ST3GAL4: variants seen among roughly 807,000 people sequenced by gnomAD.
The protein encoded by ST3GAL4 is ST3 beta-galactoside alpha-2,3-sialyltransferase 4, also known as CMP-N-acetylneuraminate-beta-galactosamide-alpha-2,3-sialyltransferase 4.
Under a neutral mutation model 42.6 loss-of-function variants are expected in ST3GAL4, and 24 were observed. That is an observed-to-expected ratio of 0.56 (90% confidence interval 0.41 to 0.79). The LOEUF is 0.79. Ranked by LOEUF, ST3GAL4 falls within the 30% of genes least tolerant of loss-of-function variation. ST3GAL4 has a pLI of 0.00. For missense variants in ST3GAL4, 311 were observed against 430.8 expected, an observed-to-expected ratio of 0.72 and a Z score of 2.46; for synonymous variants, 135 against 163.2, an observed-to-expected ratio of 0.83 and a Z score of 1.32.
At position 126,410,047 on chromosome 11, in the gene ST3GAL4, G is replaced by C. The variant is rs1297147399; in HGVS notation, c.771+636G>C. Among the ~76,000 whole-genome samples the C allele has an allele frequency of 3.3e-5, 5 of 152,112 alleles. No homozygotes were observed. The highest frequency in any genetic ancestry group is 5.9e-5 in the Non-Finnish European group (4 of 68,024). ...CCTCCTGAGTAGCTGTGAGACTACAGGTATGCACCATCACGCCTGGCTAAT... is the reference window on the plus strand; with the variant it reads ...CCTCCTGAGTAGCTGTGAGACTACACGTATGCACCATCACGCCTGGCTAAT... On this transcript the variant is annotated intron_variant, in intron 9 of 10. Coordinates refer to ENST00000444328, the MANE Select transcript of ST3GAL4 (RefSeq NM_001254757.2). The surrounding 1 kb of genome is among the most constrained non-coding windows in gnomAD (Gnocchi z 5.3).
rs1315196529 is a variant in ST3GAL4, at chr11:126,386,562, C to T, written c.-60-19534C>T. Reference sequence around the variant, plus strand: ...GACACAGGTTAGTCCTGTGGGTGACCTCACTTTAGAGAGGGCTGGCCAGCT... The same window carrying T: ...GACACAGGTTAGTCCTGTGGGTGACTTCACTTTAGAGAGGGCTGGCCAGCT... On this transcript the variant is annotated intron_variant, in intron 1 of 10. Transcript: ENST00000444328. This position sits in a 1 kb window ranked among gnomAD's most constrained non-coding sequence, Gnocchi z 4.7. Among the ~76,000 whole-genome samples, 1 of 152,096 alleles carries T rather than the reference C, an allele frequency of 6.6e-6. No individual in the cohort carries two copies. Among genetic ancestry groups the T allele is most frequent in the Non-Finnish European group, 1.5e-5 (1 of 68,022 alleles).
At chr11:126,404,770 C>T (rs977571863) in intron 1 of ST3GAL4, among the ~76,000 whole-genome samples, 1 of 152,206 alleles carries the variant, frequency 6.6e-6, no homozygotes, top group Non-Finnish European at 1.5e-5. Flanking sequence ...TGACCCTGGT[C>T]CCTGCCTGGC....
chr11:126,414,148 C>T lies in ST3GAL4; in HGVS notation c.*101C>T. The T allele has an allele frequency of 8.8e-7, 1 of 1,138,596 alleles. No homozygotes were observed. Among genetic ancestry groups the T allele is most frequent in the South Asian group, 1.2e-5 (1 of 80,224 alleles). The allele number at this position is 1,138,596 out of a possible 1,614,324, so 70.5% of individuals were successfully genotyped here. On this transcript the variant is annotated 3_prime_UTR_variant, in exon 11 of 11. Coordinates refer to ENST00000444328, the MANE Select transcript of ST3GAL4 (RefSeq NM_001254757.2). ...CTGGTGCCAGTATGACCCACTTGGA[C>T]TCACCCCCTCTTGGGGAGGGAGTTC...
In ST3GAL4 at chr11:126,383,431, G is replaced by C. The variant is rs901932018; in HGVS notation, c.-60-22665G>C. On this transcript the variant is annotated intron_variant, in intron 1 of 10. Coordinates refer to ENST00000444328, the MANE Select transcript of ST3GAL4 (RefSeq NM_001254757.2). The surrounding 1 kb of genome is among the most constrained non-coding windows in gnomAD (Gnocchi z 4.5). Reference sequence around the variant, plus strand: ...CACTGGGCCTGAGGGAGGTAGAGCAGCAGCAGCAGCAGCTGAGCCCAGCCC... The same window carrying C: ...CACTGGGCCTGAGGGAGGTAGAGCACCAGCAGCAGCAGCTGAGCCCAGCCC... Among the ~76,000 whole-genome samples, 2 of 152,206 alleles carry C rather than the reference G, an allele frequency of 1.3e-5. No individual in the cohort carries two copies. The highest frequency in any genetic ancestry group is 4.8e-5 in the African/African-American group (2 of 41,466).
rs1462271947 is a variant in ST3GAL4 at position 126,392,159 on chromosome 11, GGC to G, written c.-60-13936_-60-13935del. 1 of 207,344 alleles carries G rather than the reference GGC, an allele frequency of 4.8e-6. No individual in the cohort carries two copies. The allele number at this position is 207,344 out of a possible 1,614,324, so 12.8% of individuals were successfully genotyped here. On this transcript the variant is annotated intron_variant, in intron 1 of 10. Transcript: ENST00000444328. The surrounding 1 kb of genome is among the most constrained non-coding windows in gnomAD (Gnocchi z 5.8). ...CCCCTTTTCACTGGCTCCTCCTGGAGGCCACATGTACCTTGCGCTTCCTGGGG... is the reference window on the plus strand; with the variant it reads ...CCCCTTTTCACTGGCTCCTCCTGGAGCACATGTACCTTGCGCTTCCTGGGG...
chr11:126,401,566 AAAG>A (rs1034428868), intron 1 of ST3GAL4, among the ~76,000 whole-genome samples: 27 of 151,148 alleles, frequency 1.8e-4, no homozygotes, highest in East Asian at 5.8e-4. Flanking sequence ...AGAAAAAAAA[AAAG>A]AAGAAGAAGA....
At chr11:126,357,511 G>A (rs1374897551) in intron 1 of ST3GAL4, among the ~76,000 whole-genome samples, 2 of 152,268 alleles carry the variant, frequency 1.3e-5, no homozygotes, top group African/African-American at 2.4e-5. Flanking sequence ...GTGCCTCTGG[G>A]CTGCCTTCCC....
intron 1 of ST3GAL4, among the ~76,000 whole-genome samples, chr11:126,361,312 C>T (rs113263340): frequency 5.3e-5 from 8 of 151,582 alleles, no homozygotes; most frequent in South Asian, 2.1e-4. Flanking sequence ...GTACATATTG[C>T]GTTTCCACTT....
chr11:126,361,689 C>G (rs957907217), intron 1 of ST3GAL4, among the ~76,000 whole-genome samples: 4 of 152,014 alleles, frequency 2.6e-5, no homozygotes, highest in African/African-American at 7.3e-5. Context: ...CCAGCATGGA[C>G]CTCAGTGGGG....
chr11:126,375,987 C>G (rs925959830), intron 1 of ST3GAL4, among the ~76,000 whole-genome samples: 3 of 150,918 alleles, frequency 2.0e-5, no homozygotes, highest in African/African-American at 7.3e-5. Flanking sequence ...TCGTTAGTCA[C>G]GTATTATTGT....
chr11:126,396,521 G>T lies in ST3GAL4; in HGVS notation c.-60-9575G>T, dbSNP rs1565415729. 6.6e-6 allele frequency among the ~76,000 whole-genome samples: 1 copy of T among 151,974 alleles called. No individual in the cohort carries two copies. Among genetic ancestry groups the T allele is most frequent in the East Asian group, 1.9e-4 (1 of 5,194 alleles). ...AGAGCTTCCAGAGAGCACCAGGGCT[G>T]TGGGGGCTAGAGACTGTGTCTCGTG... On this transcript the variant is annotated intron_variant, in intron 1 of 10. Transcript: ENST00000444328. This position sits in a 1 kb window ranked among gnomAD's most constrained non-coding sequence, Gnocchi z 5.8.
At chr11:126,401,242 C>T (rs985227782) in intron 1 of ST3GAL4, among the ~76,000 whole-genome samples, 18 of 151,876 alleles carry the variant, frequency 1.2e-4, no homozygotes, top group Admixed American at 7.9e-4. Flanking sequence ...AGGGGAGAAG[C>T]GAGGTTCAAG....
At chr11:126,394,193 A>G (rs566926273) in intron 1 of ST3GAL4, among the ~76,000 whole-genome samples, 1 of 150,554 alleles carries the variant, frequency 6.6e-6, no homozygotes, top group Non-Finnish European at 1.5e-5. Flanking sequence ...AGACACTGGT[A>G]CCTTTGGCTT....
Position 126,409,431 on chromosome 11 carries a change from C to G in ST3GAL4, c.771+20C>G. ...AAGCAGGTGATGATGGGAAGTCAGG[C>G]CTGAGGGCTAGGATCCTGGGCGGGA... On this transcript the variant is annotated intron_variant, in intron 9 of 10. Transcript: ENST00000444328. The surrounding 1 kb of genome is among the most constrained non-coding windows in gnomAD (Gnocchi z 4.9). 1 of 1,614,084 alleles carries G rather than the reference C, an allele frequency of 6.2e-7. No homozygotes were observed. Among genetic ancestry groups the G allele is most frequent in the Non-Finnish European group, 8.5e-7 (1 of 1,179,988 alleles).
rs558790208 is a variant in ST3GAL4 at position 126,396,498 on chromosome 11, A to G, written c.-60-9598A>G. Among the ~76,000 whole-genome samples the G allele has an allele frequency of 1.2e-3, 183 of 152,048 alleles. No individual in the cohort carries two copies. The highest frequency in any genetic ancestry group is 1.9e-3 in the Non-Finnish European group (126 of 68,016). On this transcript the variant is annotated intron_variant, in intron 1 of 10. Transcript: ENST00000444328. The surrounding 1 kb of genome is among the most constrained non-coding windows in gnomAD (Gnocchi z 5.8). ...TGTGTGCCTTGAACACGTACTGCAG[A>G]GCTTCCAGAGAGCACCAGGGCTGTG... is the stretch of plus-strand genomic sequence containing the variant.
rs1953129566 is a variant in ST3GAL4 at position 126,384,265 on chromosome 11, G to T, written c.-60-21831G>T. On this transcript the variant is annotated intron_variant, in intron 1 of 10. Coordinates refer to ENST00000444328, the MANE Select transcript of ST3GAL4 (RefSeq NM_001254757.2). The surrounding 1 kb of genome is among the most constrained non-coding windows in gnomAD (Gnocchi z 5.5). ...GGGAGTACAAGGTCTGCCGAGTGAG[G>T]CAGAGGAAAGGGGTTTCTGAGCCCA... Among the ~76,000 whole-genome samples the T allele has an allele frequency of 6.6e-6, 1 of 152,178 alleles. No homozygotes were observed. The highest frequency in any genetic ancestry group is 1.5e-5 in the Non-Finnish European group (1 of 68,036).
Position 126,379,781 on chromosome 11 carries a change from T to C in ST3GAL4, c.-61+23939T>C. ...GCATGAGCCACCACACCCGGCCTGT[T>C]ATCCTTAATTTTAAATCACATGTGG... On this transcript the variant is annotated intron_variant, in intron 1 of 10. Coordinates refer to ENST00000444328, the MANE Select transcript of ST3GAL4 (RefSeq NM_001254757.2). This position sits in a 1 kb window ranked among gnomAD's most constrained non-coding sequence, Gnocchi z 4.2. 6.6e-6 allele frequency among the ~76,000 whole-genome samples: 1 copy of C among 152,058 alleles called. No homozygotes were observed.
At chr11:126,357,786 A>G (rs938759379) in intron 1 of ST3GAL4, among the ~76,000 whole-genome samples, 4 of 152,164 alleles carry the variant, frequency 2.6e-5, no homozygotes, top group Admixed American at 6.5e-5. Context: ...GGGCTACCCC[A>G]GGTCTGACTT....
In ST3GAL4 at chr11:126,373,343, C is replaced by T. The variant is rs146760952; in HGVS notation, c.-61+17501C>T. On this transcript the variant is annotated intron_variant, in intron 1 of 10. Coordinates refer to ENST00000444328, the MANE Select transcript of ST3GAL4 (RefSeq NM_001254757.2). The surrounding 1 kb of genome is among the most constrained non-coding windows in gnomAD (Gnocchi z 5.5). ...TGCTTCTCCTGGGATGGAGGGGTGCCGGGGAGCCCCTGACCAGGACCTGGA... is the reference window on the plus strand; with the variant it reads ...TGCTTCTCCTGGGATGGAGGGGTGCTGGGGAGCCCCTGACCAGGACCTGGA... Among the ~76,000 whole-genome samples the T allele has an allele frequency of 3.6e-3, 553 of 152,180 alleles. 1 individual carries two copies. Among genetic ancestry groups the T allele is most frequent in the Middle Eastern group, 6.8e-3 (2 of 294 alleles).
Sources: allele counts gnomAD v4.1 joint callset (sites outside exome capture counted in the v4.1 genomes callset), GRCh38; gene constraint gnomAD v4.1.1; non-coding constraint Gnocchi (gnomAD v3.1); transcripts MANE v1.5; gene names NCBI Gene and HGNC (gene_info 2026-07-23, HGNC 2026-07-21).